ZNF407: variants seen among roughly 807,000 people sequenced by gnomAD.
The protein encoded by ZNF407 is zinc finger protein 407.
In ZNF407, 17 loss-of-function variants were observed where a neutral mutation model predicts 131.2. The observed-to-expected ratio is 0.13, with a 90% CI of 0.09 to 0.19. The LOEUF is 0.19. Ranked by LOEUF, ZNF407 falls within the 10% of genes least tolerant of loss-of-function variation. The pLI, the probability that ZNF407 is intolerant of heterozygous loss-of-function variation, is 1.00. For synonymous variants in ZNF407, 1,156 were observed against 1,062.0 expected (o/e 1.09, Z -1.72); for missense variants, 2,681 against 2,830.6 (o/e 0.95, Z 1.20).
At chr18:74,755,242 GTC>G (rs1379044078) in intron 3 of ZNF407, among the ~76,000 whole-genome samples, 41 of 151,734 alleles carry the variant, frequency 2.7e-4, no homozygotes, top group African/African-American at 9.4e-4. Context: ...GCCTATTTGT[GTC>G]TCTGCACATG....
intron 3 of ZNF407, among the ~76,000 whole-genome samples, chr18:74,706,309 G>A (rs186059747): frequency 2.6e-4 from 39 of 152,180 alleles, no homozygotes; most frequent in Admixed American, 1.7e-3. Flanking sequence ...AACAGGAATC[G>A]CTTTTATTAT....
chr18:74,791,067 A>C (rs1969816532), intron 4 of ZNF407, among the ~76,000 whole-genome samples: 1 of 152,142 alleles, frequency 6.6e-6, no homozygotes, highest in Admixed American at 6.5e-5. Context: ...GTGTTTTCTT[A>C]CACTTAGTAC....
intron 7 of ZNF407, among the ~76,000 whole-genome samples, chr18:74,894,745 A>G (rs1019435895): frequency 6.6e-6 from 1 of 152,208 alleles, no homozygotes; most frequent in Non-Finnish European, 1.5e-5. Flanking sequence ...AATATTAAGG[A>G]TAACCCTACA....
intron 4 of ZNF407, among the ~76,000 whole-genome samples, chr18:74,847,592 C>G (rs1308553327): frequency 1.3e-5 from 2 of 152,156 alleles, no homozygotes; most frequent in Non-Finnish European, 2.9e-5. Flanking sequence ...AAACTGCCAG[C>G]AGAAATACAG....
chr18:74,768,820 C>T (rs1180583398), intron 3 of ZNF407, among the ~76,000 whole-genome samples: 1 of 152,132 alleles, frequency 6.6e-6, no homozygotes, highest in Non-Finnish European at 1.5e-5. Flanking sequence ...ATAGTGTTCT[C>T]TCACTAATAT....
At position 75,063,286 on chromosome 18, in the gene ZNF407, G is replaced by T; in HGVS notation, c.5565G>T (p.Arg1855Ser). 1 of 1,613,712 alleles carries T rather than the reference G, an allele frequency of 6.2e-7. No individual in the cohort carries two copies. The change falls in exon 9 of 9, where the codon AGG (arginine) becomes AGT (serine). Residue 1855 changes from arginine to serine, a missense_variant. Physicochemically the swap from Arg to Ser is moderately radical, Grantham distance 110. Coordinates refer to ENST00000299687, the MANE Select transcript of ZNF407 (RefSeq NM_017757.3). This position sits in a 1 kb window ranked among gnomAD's most constrained non-coding sequence, Gnocchi z 6.6. ...AGAAGCCCCTCAGAAGCAGCAGGAG[G>T]CCAGCGCCGCCCCCTGAGCAGGTGC... ...VKEKPLRSSRRPAPPPEQVQQ... is the reference protein window; with the variant it reads ...VKEKPLRSSRSPAPPPEQVQQ...
chr18:74,913,494 T>G (rs927961763), intron 7 of ZNF407, among the ~76,000 whole-genome samples: 1 of 152,036 alleles, frequency 6.6e-6, no homozygotes, highest in African/African-American at 2.4e-5. Context: ...GAGATGCCAG[T>G]GTGTGTGGTG....
At chr18:74,994,887 A>G (rs181905207) in intron 8 of ZNF407, among the ~76,000 whole-genome samples, 248 of 152,256 alleles carry the variant, frequency 1.6e-3, no homozygotes, top group Admixed American at 4.3e-3. Context: ...ATGAGGGTGG[A>G]AGAAGTTTAT....
chr18:74,599,916 T>G (rs150090157), intron 1 of ZNF407, among the ~76,000 whole-genome samples: 280 of 152,302 alleles, frequency 1.8e-3, no homozygotes, highest in Non-Finnish European at 2.0e-3. Context: ...TGAGATTGGT[T>G]TTTTAGGAAT....
intron 4 of ZNF407, among the ~76,000 whole-genome samples, chr18:74,845,359 G>A (rs894372832): frequency 2.0e-5 from 3 of 152,118 alleles, no homozygotes; most frequent in African/African-American, 7.2e-5. Flanking sequence ...GAGATAGCGA[G>A]AATTAGCTTC....
At chr18:74,667,725 C>T (rs1054915409) in intron 3 of ZNF407, among the ~76,000 whole-genome samples, 2 of 152,158 alleles carry the variant, frequency 1.3e-5, no homozygotes, top group Non-Finnish European at 2.9e-5. Flanking sequence ...TGTGGTCAAA[C>T]CCTTTTATGA....
At chr18:74,679,883 A>T (rs567356757) in intron 3 of ZNF407, among the ~76,000 whole-genome samples, 1 of 152,294 alleles carries the variant, frequency 6.6e-6, no homozygotes, top group East Asian at 1.9e-4. Context: ...GTGGCATGGC[A>T]CTTGCCCTGT....
At chr18:74,970,488 A>G (rs929733554) in intron 8 of ZNF407, among the ~76,000 whole-genome samples, 4 of 152,204 alleles carry the variant, frequency 2.6e-5, no homozygotes, top group South Asian at 2.1e-4. Context: ...GCCATTCCAA[A>G]TGGGAGAAAT....
At chr18:74,956,207 CCTGT>C (rs1972273527) in intron 8 of ZNF407, among the ~76,000 whole-genome samples, 1 of 152,070 alleles carries the variant, frequency 6.6e-6, no homozygotes, top group Non-Finnish European at 1.5e-5. Flanking sequence ...TTAGTATCCT[CCTGT>C]CTGTGTCACA....
intron 8 of ZNF407, among the ~76,000 whole-genome samples, chr18:75,029,558 T>C (rs1973213576): frequency 6.8e-6 from 1 of 147,664 alleles, no homozygotes; most frequent in Non-Finnish European, 1.5e-5. Flanking sequence ...ACCACCTTCA[T>C]TCAGGGCGGA....
intron 1 of ZNF407, among the ~76,000 whole-genome samples, chr18:74,609,607 G>T (rs1302673643): frequency 6.6e-6 from 1 of 152,218 alleles, no homozygotes; most frequent in African/African-American, 2.4e-5. Context: ...TGAGTGGTGA[G>T]AGAATGCGAA....
At chr18:74,844,633 C>T (rs1970678018) in intron 4 of ZNF407, among the ~76,000 whole-genome samples, 1 of 151,928 alleles carries the variant, frequency 6.6e-6, no homozygotes, top group African/African-American at 2.4e-5. Flanking sequence ...ATTGAAAACA[C>T]AATCTGATGT....
rs779587475 is a variant in ZNF407, at chr18:74,634,256, C to T, written c.3237C>T (p.Asn1079=). ...AAATGAAAAGGCAGTCTTATCTCAA[C>T]TCTGCTAATGTAGAAGCTGGTTCTG... The part of the protein sequence containing the change: ...KHKMKRQSYL[N]SANVEAGSAD... Residue 1079 remains asparagine (N), a synonymous_variant, in exon 2 of 9, where the codon AAC becomes AAT. Coordinates refer to ENST00000299687, the MANE Select transcript of ZNF407 (RefSeq NM_017757.3). 2.5e-6 allele frequency: 4 copies of T among 1,614,046 alleles called. No homozygotes were observed. The Admixed American group carries it at 6.7e-5, about 27-fold the overall frequency.
intron 3 of ZNF407, among the ~76,000 whole-genome samples, chr18:74,700,120 G>A (rs1196698854): frequency 1.3e-5 from 2 of 152,104 alleles, no homozygotes; most frequent in Non-Finnish European, 2.9e-5. Flanking sequence ...AGTAAACTAT[G>A]TTTCGTTGAA....
Sources: gnomAD v4.1 joint callset for allele counts (sites outside exome capture counted in the v4.1 genomes callset) on GRCh38, gnomAD v4.1.1 for gene constraint, Gnocchi (gnomAD v3.1) non-coding constraint, MANE v1.5 for transcripts, NCBI Gene and HGNC (gene_info 2026-07-23, HGNC 2026-07-21) for gene names.